COL22A1: variants seen among roughly 807,000 people sequenced by gnomAD.
COL22A1 encodes the protein collagen type XXII alpha 1 chain.
A neutral mutation model predicts 248.9 loss-of-function variants in COL22A1; 221 were observed. That is an observed-to-expected ratio of 0.89 (90% confidence interval 0.80 to 0.99). COL22A1 has a LOEUF of 0.99. Among genes scored for constraint, COL22A1 ranks in the 50% least tolerant of loss-of-function variants. The pLI is 0.00. For missense variants in COL22A1, 2,240 were observed against 2,179.0 expected, an observed-to-expected ratio of 1.03 and a Z score of -0.56; for synonymous variants, 891 against 793.4, an observed-to-expected ratio of 1.12 and a Z score of -2.07.
intron 12 of COL22A1, among the ~76,000 whole-genome samples, chr8:138,795,093 T>A (rs1018233602): frequency 2.7e-5 from 4 of 149,280 alleles, no homozygotes; most frequent in Non-Finnish European, 4.5e-5. Context: ...GAAACTCATT[T>A]AAAAAAAAAA....
intron 1 of COL22A1, among the ~76,000 whole-genome samples, chr8:138,910,523 GA>G (rs1438493964): frequency 6.6e-6 from 1 of 152,156 alleles, no homozygotes; most frequent in Admixed American, 6.5e-5. Context: ...CCTGGTCTGT[GA>G]AATGGGATAA....
chr8:138,816,944 C>T (rs1818730298), intron 7 of COL22A1, among the ~76,000 whole-genome samples: 1 of 152,216 alleles, frequency 6.6e-6, no homozygotes, highest in Non-Finnish European at 1.5e-5. Context: ...TCTATTGCCT[C>T]TAACCCAGCT....
At chr8:138,895,755 A>T (rs1825369102) in intron 1 of COL22A1, among the ~76,000 whole-genome samples, 1 of 152,216 alleles carries the variant, frequency 6.6e-6, no homozygotes, top group Non-Finnish European at 1.5e-5. Context: ...ACTTAAAAGA[A>T]ATAATGGATG....
In COL22A1 at chr8:138,691,453, G is replaced by A. The variant is rs536472294; in HGVS notation, c.2755-579C>T. Among the ~76,000 whole-genome samples, 259 of 150,930 alleles carry A rather than the reference G, an allele frequency of 1.7e-3. 1 individual carries two copies. Among genetic ancestry groups the A allele is most frequent in the African/African-American group, 5.4e-3 (220 of 40,956 alleles). On this transcript the variant is annotated intron_variant, in intron 35 of 64. Coordinates refer to ENST00000303045, the MANE Select transcript of COL22A1 (RefSeq NM_152888.3). ...CACGTTTGTGAAGGTGTGTGTATGT[G>A]TGTACGTCCGTGTGTGCATGTTTGT... is the stretch of plus-strand genomic sequence containing the variant.
At chr8:138,651,478 C>G (rs1322657777) in intron 45 of COL22A1, among the ~76,000 whole-genome samples, 2 of 152,170 alleles carry the variant, frequency 1.3e-5, no homozygotes, top group Non-Finnish European at 2.9e-5. Context: ...CGACTTGTGC[C>G]ATCTTCTTTT....
chr8:138,696,041 C>T (rs1474159319), intron 32 of COL22A1, among the ~76,000 whole-genome samples: 1 of 152,114 alleles, frequency 6.6e-6, no homozygotes, highest in Non-Finnish European at 1.5e-5. Context: ...TTTGCAGTTT[C>T]CATATCTGCA....
chr8:138,865,445 T>G (rs1352697441), intron 3 of COL22A1, among the ~76,000 whole-genome samples: 1 of 151,730 alleles, frequency 6.6e-6, no homozygotes, highest in Non-Finnish European at 1.5e-5. Flanking sequence ...TGTGTTTGTA[T>G]GCCTGTGTGT....
chr8:138,728,655 G>A (rs1830497419), intron 23 of COL22A1, among the ~76,000 whole-genome samples: 1 of 151,822 alleles, frequency 6.6e-6, no homozygotes, highest in African/African-American at 2.4e-5. Flanking sequence ...TGGCTCTTTA[G>A]CGGTCTCCTA....
At chr8:138,831,392 T>G (rs1489801758) in intron 5 of COL22A1, among the ~76,000 whole-genome samples, 2 of 152,150 alleles carry the variant, frequency 1.3e-5, no homozygotes, top group Admixed American at 1.3e-4. Flanking sequence ...AAACCAAGAC[T>G]CAGTTCCTTT....
Position 138,626,218 on chromosome 8 carries a change from T to C in COL22A1, c.3689A>G (p.Gln1230Arg). 6.2e-7 allele frequency: 1 copy of C among 1,607,908 alleles called. No individual in the cohort carries two copies. Among genetic ancestry groups the C allele is most frequent in the East Asian group, 2.2e-5 (1 of 44,508 alleles). The change falls in exon 51 of 65, where the codon CAA becomes CGA. Residue 1230 changes from glutamine to arginine, a missense_variant. Coordinates refer to ENST00000303045, the MANE Select transcript of COL22A1 (RefSeq NM_152888.3). ...SPGKEGPPGP[Q>R]GPSGLPGIPG... ...GATTCCGGGTAATCCAGATGGGCCT[T>C]GGGGGCCAGGAGGGCCTTCTTTCCC...
intron 64 of COL22A1, among the ~76,000 whole-genome samples, chr8:138,589,751 C>A (rs2131758975): frequency 6.6e-6 from 1 of 152,248 alleles, no homozygotes; most frequent in Non-Finnish European, 1.5e-5. Context: ...ACTGAAGAGT[C>A]AGATGAGAGA....
intron 22 of COL22A1, among the ~76,000 whole-genome samples, chr8:138,740,435 C>T (rs1209294013): frequency 6.6e-6 from 1 of 152,130 alleles, no homozygotes; most frequent in East Asian, 1.9e-4. Flanking sequence ...ACACAATCAC[C>T]ATTTGGGGAT....
In COL22A1 at chr8:138,596,943, G is replaced by A. The variant is rs758413253; in HGVS notation, c.4393C>T (p.Arg1465Cys). 25 of 1,613,876 alleles carry A rather than the reference G, an allele frequency of 1.5e-5. No homozygotes were observed. The highest frequency in any genetic ancestry group is 3.3e-5 in the Admixed American group (2 of 59,996). Residue 1465 changes from arginine (R) to cysteine (C), a missense_variant, in exon 62 of 65, where the codon CGT (arginine) becomes TGT (cysteine). By Grantham distance (180) the Arg-to-Cys change is radical (BLOSUM62 -3). Transcript: ENST00000303045. Reference sequence around the variant, plus strand: ...CCCAGCTCTTCTTGAATAAGCCGACGCAGGGTTTCCATGGATGGAGACTCC... The same window carrying A: ...CCCAGCTCTTCTTGAATAAGCCGACACAGGGTTTCCATGGATGGAGACTCC... ...RGESPSMETL[R>C]RLIQEELGKQ...
intron 18 of COL22A1, among the ~76,000 whole-genome samples, chr8:138,759,828 A>G (rs1012821450): frequency 6.6e-6 from 1 of 152,170 alleles, no homozygotes; most frequent in African/African-American, 2.4e-5. Context: ...AAAAATTGCA[A>G]AATGTAGTAG....
chr8:138,858,359 T>C (rs900545678), intron 3 of COL22A1, among the ~76,000 whole-genome samples: 1 of 152,102 alleles, frequency 6.6e-6, no homozygotes, highest in Non-Finnish European at 1.5e-5. Flanking sequence ...TTTTTCTTTT[T>C]CTTTGTTTTG....
At chr8:138,910,383 C>T (rs1400341988) in intron 1 of COL22A1, among the ~76,000 whole-genome samples, 1 of 152,122 alleles carries the variant, frequency 6.6e-6, no homozygotes, top group Non-Finnish European at 1.5e-5. Flanking sequence ...ATGCTGGATC[C>T]TAGGTGGGAA....
chr8:138,663,711 T>C lies in COL22A1; in HGVS notation c.3180A>G (p.Gly1060=). The C allele has an allele frequency of 6.2e-7, 1 of 1,609,848 alleles. No individual in the cohort carries two copies. The highest frequency in any genetic ancestry group is 8.5e-7 in the Non-Finnish European group (1 of 1,176,078). The part of the protein sequence containing the change: ...PGPSGPPGDK[G]SPGSRGLPGF... ...TATTTAAAGCATACTGTACCGGGGA[T>C]CCTTTGTCTCCTGGTGGTCCGGAAG... is the stretch of plus-strand genomic sequence containing the variant. The change falls in exon 42 of 65, where the codon GGA becomes GGG. Residue 1060 remains glycine (G), a synonymous_variant. Coordinates refer to ENST00000303045, the MANE Select transcript of COL22A1 (RefSeq NM_152888.3).
chr8:138,688,885 A>G (rs1009836742), intron 37 of COL22A1, 32 bp downstream of exon 37: 2 of 1,589,816 alleles, frequency 1.3e-6, no homozygotes, highest in East Asian at 2.2e-5. Context: ...AAGGATATTC[A>G]CTTGTGTGCT....
chr8:138,769,948 G>T (rs1175828101), intron 16 of COL22A1, among the ~76,000 whole-genome samples: 1 of 152,140 alleles, frequency 6.6e-6, no homozygotes, highest in Non-Finnish European at 1.5e-5. Flanking sequence ...CTTCTACCAG[G>T]TGCCAAGCCC....
Sources: gnomAD v4.1 joint callset for allele counts (sites outside exome capture counted in the v4.1 genomes callset) on GRCh38, gnomAD v4.1.1 for gene constraint, MANE v1.5 for transcripts, NCBI Gene and HGNC (gene_info 2026-07-23, HGNC 2026-07-21) for gene names.